Variants in MTRFR observed in about 807,000 individuals in gnomAD.
MTRFR encodes probable peptide chain release factor C12orf65, mitochondrial.
A neutral mutation model predicts 11.9 loss-of-function variants in MTRFR; 10 were observed. That is an observed-to-expected ratio of 0.84 (90% CI 0.52 to 1.42). MTRFR has a LOEUF of 1.42. Among genes scored for constraint, MTRFR ranks in the 40% most tolerant of loss-of-function variants. The pLI is 0.00. For synonymous variants in MTRFR, 77 were observed against 79.1 expected, an observed-to-expected ratio of 0.97 and a Z score of 0.14; for missense variants, 196 against 197.9, an observed-to-expected ratio of 0.99 and a Z score of 0.06.
chr12:123,253,441 G>A, intron 1 of MTRFR: 1 of 555,776 alleles, frequency 1.8e-6, no homozygotes, highest in Non-Finnish European at 3.2e-6. Flanking sequence ...AGCTGGCAGG[G>A]CATGTCCTGG....
rs1969355 is a variant in MTRFR at position 123,257,514 on chromosome 12, G to A, written c.*483G>A. 98,483 of 163,836 alleles carry A rather than the reference G, an allele frequency of 0.6. 34,072 individuals are homozygous for A. The highest frequency in any genetic ancestry group is 0.75 in the Non-Finnish European group (56,445 of 75,222). The allele number at this position is 163,836 out of a possible 1,614,324, so 10.1% of individuals were successfully genotyped here. ...CTGGGCAACACCTGGGTGACAGAGCGAGACCCCATCTCAAAAAAAAAATAA... is the reference window on the plus strand; with the variant it reads ...CTGGGCAACACCTGGGTGACAGAGCAAGACCCCATCTCAAAAAAAAAATAA... On this transcript the variant is annotated 3_prime_UTR_variant, in exon 3 of 3. Coordinates refer to ENST00000253233, the MANE Select transcript of MTRFR (RefSeq NM_152269.5).
chr12:123,254,591 G>T (rs536501144), intron 2 of MTRFR: 1 of 153,698 alleles, frequency 6.5e-6, no homozygotes, highest in Admixed American at 6.4e-5. Flanking sequence ...AACCTCAGAA[G>T]AAAAAATGCT....
intron 1 of MTRFR, among the ~76,000 whole-genome samples, chr12:123,253,107 T>TTTTTTTTTTTG (rs766114484): frequency 0.011 from 692 of 63,348 alleles, 248 homozygotes; most frequent in Non-Finnish European, 0.019. Context: ...TTTTTTTTTT[T>TTTTTTTTTTTG]GAGACACTGT....
intron 1 of MTRFR, among the ~76,000 whole-genome samples, chr12:123,243,466 C>T (rs937259921): frequency 2.7e-5 from 4 of 146,432 alleles, no homozygotes; most frequent in Non-Finnish European, 6.0e-5. Context: ...GGAGGCGGAG[C>T]TTGCAGTGAG....
intron 1 of MTRFR, among the ~76,000 whole-genome samples, chr12:123,239,029 G>A (rs996161479): frequency 7.2e-5 from 11 of 152,296 alleles, no homozygotes; most frequent in Admixed American, 6.5e-4. Context: ...CCAGCACTTT[G>A]GAAGGCTGAG....
At chr12:123,253,069 A>ATTTTTTTTTTTT (rs1565997436) in intron 1 of MTRFR, among the ~76,000 whole-genome samples, 1 of 42,818 alleles carries the variant, frequency 2.3e-5, no homozygotes, top group Non-Finnish European at 5.5e-5. Context: ...CGTTCCTTTG[A>ATTTTTTTTTTTT]ATTTTTTTTT....
chr12:123,257,095 A>G lies in MTRFR; in HGVS notation c.*64A>G, dbSNP rs2048191472. 8.0e-7 allele frequency: 1 copy of G among 1,246,166 alleles called. No individual in the cohort carries two copies. Among genetic ancestry groups the G allele is most frequent in the Admixed American group, 1.8e-5 (1 of 54,532 alleles). 77.2% of individuals were successfully genotyped at this position (1,246,166 alleles called of 1,614,324 possible). On this transcript the variant is annotated 3_prime_UTR_variant, in exon 3 of 3. Transcript: ENST00000253233. ...AAGCTCCCAGGGAATAATGGTGGCG[A>G]GTTCCATCACCAGCATTATTATAGT...
intron 1 of MTRFR, among the ~76,000 whole-genome samples, chr12:123,241,141 G>T (rs11057203): frequency 0.64 from 95,831 of 148,702 alleles, 34,949 homozygotes; most frequent in East Asian, 1. Context: ...ATTTGGGGTT[G>T]TTTTTTTTTT....
intron 1 of MTRFR, 171 bp from the exon 2 acceptor site, chr12:123,253,476 G>C: frequency 4.6e-6 from 3 of 649,982 alleles, no homozygotes; most frequent in Non-Finnish European, 8.1e-6. Context: ...GTGCAAGGCT[G>C]AGGAGAGGGG....
In MTRFR at chr12:123,257,225, C is replaced by T. The variant is rs114120858; in HGVS notation, c.*194C>T. ...ACATGCACGATTCAAGAATAAAACT[C>T]GGCTGGGCACGGTGGACGGTGCCTC... On this transcript the variant is annotated 3_prime_UTR_variant, in exon 3 of 3. Transcript: ENST00000253233. The T allele has an allele frequency of 4.7e-4, 279 of 599,952 alleles. No individual in the cohort carries two copies. Among genetic ancestry groups the T allele is most frequent in the African/African-American group, 2.3e-3 (124 of 53,542 alleles). The allele number at this position is 599,952 out of a possible 1,614,324, so 37.2% of individuals were successfully genotyped here.
intron 1 of MTRFR, chr12:123,250,031 G>T (rs1260435357): frequency 6.6e-6 from 1 of 152,130 alleles, no homozygotes; most frequent in African/African-American, 2.4e-5. Flanking sequence ...AGGTTTGGTC[G>T]TTTAACACAA....
chr12:123,255,809 T>C (rs933217814), intron 2 of MTRFR, among the ~76,000 whole-genome samples: 9 of 152,196 alleles, frequency 5.9e-5, no homozygotes, highest in Admixed American at 4.6e-4. Flanking sequence ...GTATTTTTAC[T>C]AGAGACAAGG....
chr12:123,252,863 T>A (rs972419247), intron 1 of MTRFR, among the ~76,000 whole-genome samples: 9 of 151,946 alleles, frequency 5.9e-5, no homozygotes, highest in Admixed American at 6.6e-5. Context: ...AGGCGGAGGT[T>A]GCAGTGAGCC....
intron 1 of MTRFR, 121 bp from the exon 2 acceptor site, chr12:123,253,526 T>C (rs997835042): frequency 1.1e-6 from 1 of 948,236 alleles, no homozygotes; most frequent in Non-Finnish European, 1.6e-6. Flanking sequence ...TTTCCTAAAT[T>C]CCCTCGGTAA....
chr12:123,253,606 G>C, intron 1 of MTRFR, 41 bp from the exon 2 acceptor site: 1 of 1,588,416 alleles, frequency 6.3e-7, no homozygotes, highest in Non-Finnish European at 8.6e-7. Flanking sequence ...CTTGAGGGCA[G>C]ATGCCTCTTA....
chr12:123,255,037 G>A (rs917666382), intron 2 of MTRFR: 1 of 152,200 alleles, frequency 6.6e-6, no homozygotes, highest in African/African-American at 2.4e-5. Context: ...AGCCAAGGCA[G>A]GTGTTTCATA....
chr12:123,253,382 CCCG>C, intron 1 of MTRFR: 3 of 392,056 alleles, frequency 7.7e-6, no homozygotes, highest in South Asian at 6.5e-5. Context: ...AAACAGCACC[CCCG>C]GGTGCTTGGA....
At chr12:123,240,623 AAAC>A (rs1275729704) in intron 1 of MTRFR, 2 of 152,134 alleles carry the variant, frequency 1.3e-5, no homozygotes, top group Middle Eastern at 3.4e-3. Flanking sequence ...CAAAAAAAAA[AAAC>A]AAACAGTGAA....
At chr12:123,239,924 G>A (rs1435666601) in intron 1 of MTRFR, among the ~76,000 whole-genome samples, 1 of 151,948 alleles carries the variant, frequency 6.6e-6, no homozygotes, top group African/African-American at 2.4e-5. Flanking sequence ...CTTCACCATT[G>A]CCATCATGAT....
Sources: allele counts gnomAD v4.1 joint callset (sites outside exome capture counted in the v4.1 genomes callset), GRCh38; gene constraint gnomAD v4.1.1; transcripts MANE v1.5; gene names NCBI Gene and HGNC (gene_info 2026-07-23, HGNC 2026-07-21).